The following STAT1 variants were observed in gnomAD, a reference collection of about 807,000 sequenced individuals.
The protein encoded by STAT1 is signal transducer and activator of transcription 1.
A neutral mutation model predicts 111.7 loss-of-function variants in STAT1; 24 were observed. The observed-to-expected ratio is 0.21, with a 90% CI of 0.16 to 0.30. The LOEUF is 0.30. STAT1 is among the 10% of genes least tolerant of loss of function. The pLI is 1.00. For synonymous variants in STAT1, 332 were observed against 326.5 expected (o/e 1.02, Z -0.18); for missense variants, 351 against 911.9 (o/e 0.38, Z 7.92).
rs932720328 is a variant in STAT1, at chr2:190,993,894, T to A, written c.944+1167A>T. 5.3e-5 allele frequency among the ~76,000 whole-genome samples: 8 copies of A among 152,168 alleles called. No individual in the cohort carries two copies. Among genetic ancestry groups the A allele is most frequent in the Non-Finnish European group, 1.2e-4 (8 of 68,030 alleles). Reference sequence around the variant, plus strand: ...GCCTACTGTTCACAAGGCACTGCGCTAGGTCCTGCTGGGGGAAAAGGGTGA... The same window carrying A: ...GCCTACTGTTCACAAGGCACTGCGCAAGGTCCTGCTGGGGGAAAAGGGTGA... On this transcript the variant is annotated intron_variant, in intron 10 of 24. Coordinates refer to ENST00000361099, the MANE Select transcript of STAT1 (RefSeq NM_007315.4). The surrounding 1 kb of genome is among the most constrained non-coding windows in gnomAD (Gnocchi z 4.1).
Position 190,984,357 on chromosome 2 carries a change from T to C in STAT1, c.1300A>G (p.Ser434Gly), listed in dbSNP as rs1377870017. The change falls in exon 16 of 25, where the codon AGT (serine) becomes GGT (glycine). Residue 434 changes from serine to glycine, a missense_variant. By Grantham distance (56) the Ser-to-Gly change is moderately conservative (BLOSUM62 0). Around this residue, in one of 7 missense-constraint regions of STAT1, gnomAD observed 181 missense variants for 426.1 expected, o/e 0.42. Transcript: ENST00000361099. The surrounding 1 kb of genome is among the most constrained non-coding windows in gnomAD (Gnocchi z 5.2). ...LIVTEELHSL[S>G]FETQLCQPGL... ...GGCTGGCACAATTGGGTTTCAAAAC[T>C]AAGGGAGTGAAGCTCTTCAGTAACG... is the stretch of plus-strand genomic sequence containing the variant. 6.2e-7 allele frequency: 1 copy of C among 1,613,942 alleles called. No homozygotes were observed. The highest frequency in any genetic ancestry group is 8.5e-7 in the Non-Finnish European group (1 of 1,179,992).
Position 190,975,891 on chromosome 2 carries a change from G to GAA in STAT1, c.2060-6_2060-5dup. Reference sequence around the variant, plus strand: ...TCAAGTTCCATTGGCTCTGGTGCTAGAAATAAACACATTGTGTACGCTTTC... The same window carrying GAA: ...TCAAGTTCCATTGGCTCTGGTGCTAGAAAAATAAACACATTGTGTACGCTTTC... On this transcript the variant is annotated splice_polypyrimidine_tract_variant and splice_region_variant and intron_variant, in intron 22 of 24. Transcript: ENST00000361099. This position sits in a 1 kb window ranked among gnomAD's most constrained non-coding sequence, Gnocchi z 5.9. 1.2e-6 allele frequency: 2 copies of GAA among 1,610,226 alleles called. No homozygotes were observed. The highest frequency in any genetic ancestry group is 1.7e-6 in the Non-Finnish European group (2 of 1,176,408).
rs1694735711 is a variant in STAT1 at position 191,006,827 on chromosome 2, C to T, written c.372+736G>A. Among the ~76,000 whole-genome samples, 3 of 152,216 alleles carry T rather than the reference C, an allele frequency of 2.0e-5. No homozygotes were observed. The highest frequency in any genetic ancestry group is 1.9e-4 in the East Asian group (1 of 5,204). ...AATCTTGATACTAGTACAACTCTGA[C>T]TCATTTACTGTTTGATGCCTTGAAT... On this transcript the variant is annotated intron_variant, in intron 5 of 24. Coordinates refer to ENST00000361099, the MANE Select transcript of STAT1 (RefSeq NM_007315.4). This position sits in a 1 kb window ranked among gnomAD's most constrained non-coding sequence, Gnocchi z 4.6.
rs1191437745 is a variant in STAT1 at position 190,979,750 on chromosome 2, T to C, written c.1727+22A>G. On this transcript the variant is annotated intron_variant, in intron 20 of 24. Transcript: ENST00000361099. The surrounding 1 kb of genome is among the most constrained non-coding windows in gnomAD (Gnocchi z 5.8). The stretch of plus-strand genomic sequence containing the variant: ...GCAGCACTAAAAATATGTTTCAAAA[T>C]ACATCTATCGGTGGCCCTTACCCAT... 4 of 1,573,852 alleles carry C rather than the reference T, an allele frequency of 2.5e-6. No individual in the cohort carries two copies. In the South Asian group the frequency reaches 4.4e-5, roughly 17 times the overall value.
At position 190,982,535 on chromosome 2, in the gene STAT1, C is replaced by A. The variant is rs780048833; in HGVS notation, c.1447-17G>T. On this transcript the variant is annotated splice_polypyrimidine_tract_variant and intron_variant, in intron 17 of 24. Coordinates refer to ENST00000361099, the MANE Select transcript of STAT1 (RefSeq NM_007315.4). The surrounding 1 kb of genome is among the most constrained non-coding windows in gnomAD (Gnocchi z 7.3). ...GGACAGATTCTAGAGAGAAAACACC[C>A]AAAATCTAAGGGTTACTACAGAGAC... 9.9e-6 allele frequency: 16 copies of A among 1,613,936 alleles called. No homozygotes were observed. Among genetic ancestry groups the A allele is most frequent in the Non-Finnish European group, 1.4e-5 (16 of 1,179,874 alleles).
At position 190,978,817 on chromosome 2, in the gene STAT1, C is replaced by CA. The variant is rs1692112288; in HGVS notation, c.1873+38dup. 1 of 1,611,548 alleles carries CA rather than the reference C, an allele frequency of 6.2e-7. No homozygotes were observed. Among genetic ancestry groups the CA allele is most frequent in the Admixed American group, 1.7e-5 (1 of 59,838 alleles). On this transcript the variant is annotated intron_variant, in intron 21 of 24. Transcript: ENST00000361099. The surrounding 1 kb of genome is among the most constrained non-coding windows in gnomAD (Gnocchi z 6.1). ...CGGCGATGAAGAGGGACTTCACACA[C>CA]ATGGAATGGTGGGACTATGTGCTCA... is the stretch of plus-strand genomic sequence containing the variant.
rs112108750 is a variant in STAT1, at chr2:190,978,863, G to A, written c.1866C>T (p.Asn622=). 144 of 1,614,050 alleles carry A rather than the reference G, an allele frequency of 8.9e-5. No homozygotes were observed. Among genetic ancestry groups the A allele is most frequent in the Admixed American group, 4.2e-4 (25 of 60,014 alleles). Residue 622 remains asparagine, a synonymous_variant, in exon 21 of 25, where the codon AAC becomes AAT. Transcript: ENST00000361099. The surrounding 1 kb of genome is among the most constrained non-coding windows in gnomAD (Gnocchi z 6.1). ...ITFTWVERSQ[N]GGEPDFHAVE... is the part of the protein sequence containing the mutation. Reference sequence around the variant, plus strand: ...GCTCAAACTCCCACTCACCGCCTCCGTTCTGGGACCGCTCCACCCATGTGA... The same window carrying A: ...GCTCAAACTCCCACTCACCGCCTCCATTCTGGGACCGCTCCACCCATGTGA...
Position 190,987,034 on chromosome 2 carries a change from C to T in STAT1, c.1127+5G>A, listed in dbSNP as rs1559011991. 3 of 1,610,822 alleles carry T rather than the reference C, an allele frequency of 1.9e-6. No homozygotes were observed. Among genetic ancestry groups the T allele is most frequent in the Non-Finnish European group, 2.5e-6 (3 of 1,177,472 alleles). On this transcript the variant is annotated splice_donor_5th_base_variant and intron_variant, in intron 13 of 24. Transcript: ENST00000361099. This position sits in a 1 kb window ranked among gnomAD's most constrained non-coding sequence, Gnocchi z 4.0. ...GCACAGTATAGCGTAAAGTACGTCA[C>T]GTACCCTTTTACTGTATTTCTCTCA...
rs45616736 is a variant in STAT1 at position 191,000,217 on chromosome 2, T to C, written c.463-513A>G. ...TGGACAATAAATTGTATGTTCATTCTACAAATAAGCCTCATTTGTTTGGGA... is the reference window on the plus strand; with the variant it reads ...TGGACAATAAATTGTATGTTCATTCCACAAATAAGCCTCATTTGTTTGGGA... On this transcript the variant is annotated intron_variant, in intron 6 of 24. Coordinates refer to ENST00000361099, the MANE Select transcript of STAT1 (RefSeq NM_007315.4). The surrounding 1 kb of genome is among the most constrained non-coding windows in gnomAD (Gnocchi z 4.8). Among the ~76,000 whole-genome samples the C allele has an allele frequency of 4.1e-3, 621 of 152,372 alleles. 7 individuals are homozygous for C. Among genetic ancestry groups the C allele is most frequent in the African/African-American group, 0.014 (592 of 41,588 alleles).
chr2:190,971,112 A>T lies in STAT1; in HGVS notation c.2239-395T>A, dbSNP rs182681239. On this transcript the variant is annotated intron_variant, in intron 24 of 24. Coordinates refer to ENST00000361099, the MANE Select transcript of STAT1 (RefSeq NM_007315.4). The surrounding 1 kb of genome is among the most constrained non-coding windows in gnomAD (Gnocchi z 4.1). ...AGAGGGAAATGATACACTTCCCCTA[A>T]AGGCCACTCAGTGGGTAAAATCAAT... is the stretch of plus-strand genomic sequence containing the variant. Among the ~76,000 whole-genome samples the T allele has an allele frequency of 5.9e-5, 9 of 152,296 alleles. No individual in the cohort carries two copies. The highest frequency in any genetic ancestry group is 1.0e-4 in the Non-Finnish European group (7 of 68,024).
intron 11 of STAT1, 74 bp downstream of exon 11, chr2:190,991,154 G>A (rs1693299506): frequency 6.9e-7 from 1 of 1,455,824 alleles, no homozygotes; most frequent in South Asian, 1.2e-5. Context: ...CTATATAACA[G>A]TTTTTATAAA....
chr2:191,002,955 G>A (rs1025343471), intron 5 of STAT1, among the ~76,000 whole-genome samples: 1 of 152,164 alleles, frequency 6.6e-6, no homozygotes, highest in African/African-American at 2.4e-5. Context: ...AGGTTGCCCA[G>A]TCATGGACTA....
Position 190,997,002 on chromosome 2 carries a change from C to G in STAT1, c.785+854G>C, listed in dbSNP as rs1480429997. Among the ~76,000 whole-genome samples, 1 of 152,248 alleles carries G rather than the reference C, an allele frequency of 6.6e-6. No homozygotes were observed. Among genetic ancestry groups the G allele is most frequent in the South Asian group, 2.1e-4 (1 of 4,836 alleles). On this transcript the variant is annotated intron_variant, in intron 9 of 24. Coordinates refer to ENST00000361099, the MANE Select transcript of STAT1 (RefSeq NM_007315.4). The surrounding 1 kb of genome is among the most constrained non-coding windows in gnomAD (Gnocchi z 7.3). ...AAAAGCCTGCCTTGGCTCAGCAGTA[C>G]AGCTGCGTACATCCCCCATTCCCAG... is the stretch of plus-strand genomic sequence containing the variant.
At position 191,013,569 on chromosome 2, in the gene STAT1, G is replaced by T; in HGVS notation, c.-46C>A. On this transcript the variant is annotated 5_prime_UTR_variant, in exon 2 of 25. Transcript: ENST00000361099. ...CAAGGGCCTGGGGATTCAACCAAAGGAGCAGCTACGCACAGCACGTTAGGT... is the reference window on the plus strand; with the variant it reads ...CAAGGGCCTGGGGATTCAACCAAAGTAGCAGCTACGCACAGCACGTTAGGT... 2.5e-6 allele frequency: 1 copy of T among 398,538 alleles called. No individual in the cohort carries two copies. Among genetic ancestry groups the T allele is most frequent in the South Asian group, 1.3e-4 (1 of 7,822 alleles). The allele number at this position is 398,538 out of a possible 1,614,324, so 24.7% of individuals were successfully genotyped here. A position where few individuals can be genotyped will look rare whatever the true frequency, so the allele number is the denominator to read the frequency against.
chr2:191,008,234 A>T lies in STAT1; in HGVS notation c.274-573T>A, dbSNP rs953798151. Among the ~76,000 whole-genome samples, 8 of 113,376 alleles carry T rather than the reference A, an allele frequency of 7.1e-5. No individual in the cohort carries two copies. The Middle Eastern group carries it at 0.022, about 314-fold the overall frequency. The allele number at this position is 113,376 out of a possible 152,430, so 74.4% of individuals were successfully genotyped here. On this transcript the variant is annotated intron_variant, in intron 4 of 24. Transcript: ENST00000361099. ...CGTAAATAAAATCATAAATACATTC[A>T]CAAAGGAAAAAAAACAACTTCCAAT...
intron 2 of STAT1, among the ~76,000 whole-genome samples, chr2:191,011,459 C>T (rs1411266599): frequency 1.3e-5 from 2 of 152,146 alleles, no homozygotes; most frequent in Non-Finnish European, 2.9e-5. Context: ...CTCTGTCATC[C>T]AGGTTGGAGC....
chr2:190,991,400 A>T, intron 10 of STAT1, 80 bp from the exon 11 acceptor site: 4 of 1,322,400 alleles, frequency 3.0e-6, no homozygotes, highest in Non-Finnish European at 4.3e-6. Flanking sequence ...CCTGAAAGAA[A>T]AAAGGGGGTT....
At chr2:191,005,518 A>G (rs542722249) in intron 5 of STAT1, among the ~76,000 whole-genome samples, 1 of 152,318 alleles carries the variant, frequency 6.6e-6, no homozygotes, top group East Asian at 1.9e-4. Flanking sequence ...AATTGCCCAT[A>G]GCGTTCAGTA....
At chr2:190,991,039 T>C (rs1693287845) in intron 11 of STAT1, among the ~76,000 whole-genome samples, 189 bp downstream of exon 11, 1 of 152,238 alleles carries the variant, frequency 6.6e-6, no homozygotes, top group Admixed American at 6.5e-5. Flanking sequence ...TATATGTATA[T>C]CAGTTACATT....
Sources: allele counts gnomAD v4.1 joint callset (sites outside exome capture counted in the v4.1 genomes callset), GRCh38; gene constraint gnomAD v4.1.1; regional missense constraint gnomAD v4.1.1; non-coding constraint Gnocchi (gnomAD v3.1); transcripts MANE v1.5; gene names NCBI Gene and HGNC (gene_info 2026-07-23, HGNC 2026-07-21).